The following UBE2E2 variants were observed in gnomAD, a reference collection of about 807,000 sequenced individuals.
The protein encoded by UBE2E2 is ubiquitin-conjugating enzyme E2 E2.
A neutral mutation model predicts 24.7 loss-of-function variants in UBE2E2; 6 were observed. The ratio of observed to expected loss-of-function variants is 0.24; its 90% CI spans 0.13 to 0.48. The LOEUF (loss-of-function observed/expected upper bound fraction) is 0.48. Among genes scored for constraint, UBE2E2 ranks in the 20% least tolerant of loss-of-function variants. The pLI is 0.99. For missense variants in UBE2E2, 169 were observed against 245.0 expected (o/e 0.69, Z 2.07); for synonymous variants, 104 against 83.6 (o/e 1.24, Z -1.33).
chr3:23,363,432 A>G (rs1182714225), intron 3 of UBE2E2, among the ~76,000 whole-genome samples: 4 of 152,230 alleles, frequency 2.6e-5, no homozygotes, highest in African/African-American at 4.8e-5. Context: ...CTCATAGGCT[A>G]TAAGTAAAGG....
intron 3 of UBE2E2, among the ~76,000 whole-genome samples, chr3:23,332,833 T>C (rs1177617841): frequency 6.6e-6 from 1 of 152,152 alleles, no homozygotes; most frequent in East Asian, 1.9e-4. Context: ...TGTGTGTCAC[T>C]AAGACTTGAA....
intron 3 of UBE2E2, among the ~76,000 whole-genome samples, chr3:23,410,922 G>A (rs764756253): frequency 2.0e-5 from 3 of 152,032 alleles, no homozygotes; most frequent in Non-Finnish European, 2.9e-5. Context: ...TTAAAGAAGC[G>A]ACAGACTTTC....
intron 3 of UBE2E2, among the ~76,000 whole-genome samples, chr3:23,305,980 T>C (rs1159013618): frequency 6.6e-6 from 1 of 152,196 alleles, no homozygotes; most frequent in African/African-American, 2.4e-5. Flanking sequence ...TCTAGGCCTT[T>C]ATTCTCAATT....
chr3:23,555,337 G>A (rs1469554130), intron 5 of UBE2E2, among the ~76,000 whole-genome samples: 4 of 152,102 alleles, frequency 2.6e-5, no homozygotes, highest in Non-Finnish European at 4.4e-5. Flanking sequence ...ATATCACCTC[G>A]CACCTATTAG....
intron 3 of UBE2E2, among the ~76,000 whole-genome samples, chr3:23,445,042 C>T (rs73138480): frequency 0.041 from 6,224 of 152,242 alleles, 455 homozygotes; most frequent in African/African-American, 0.14. Context: ...GCCAAGTGAT[C>T]GGTTTCCTTG....
At chr3:23,536,030 A>C (rs1238141943) in intron 5 of UBE2E2, among the ~76,000 whole-genome samples, 1 of 152,180 alleles carries the variant, frequency 6.6e-6, no homozygotes. Flanking sequence ...TGGGGAATCA[A>C]ATTTCTGTGC....
At chr3:23,437,840 G>A (rs1559383599) in intron 3 of UBE2E2, among the ~76,000 whole-genome samples, 1 of 152,156 alleles carries the variant, frequency 6.6e-6, no homozygotes, top group Non-Finnish European at 1.5e-5. Context: ...ATTGTGTGCC[G>A]CACACAGGAC....
chr3:23,405,888 A>G (rs1575609120), intron 3 of UBE2E2, among the ~76,000 whole-genome samples: 1 of 152,206 alleles, frequency 6.6e-6, no homozygotes, highest in Non-Finnish European at 1.5e-5. Context: ...TAGAAATTCC[A>G]TGCAGTGCTA....
chr3:23,482,328 A>AC (rs1386948884), intron 3 of UBE2E2, among the ~76,000 whole-genome samples: 3 of 152,192 alleles, frequency 2.0e-5, no homozygotes, highest in African/African-American at 7.2e-5. Context: ...TTATGAATAT[A>AC]CCAAAAGCCA....
At chr3:23,564,604 A>C (rs927348486) in intron 5 of UBE2E2, among the ~76,000 whole-genome samples, 4 of 152,126 alleles carry the variant, frequency 2.6e-5, no homozygotes, top group Admixed American at 2.6e-4. Flanking sequence ...AAATTCCTTG[A>C]ATTTCCAAAC....
intron 3 of UBE2E2, among the ~76,000 whole-genome samples, chr3:23,231,674 A>G (rs1173612476): frequency 6.6e-6 from 1 of 152,148 alleles, no homozygotes; most frequent in African/African-American, 2.4e-5. Context: ...CCTTCTTCCT[A>G]CCAGTCACAA....
intron 3 of UBE2E2, among the ~76,000 whole-genome samples, chr3:23,266,596 T>C (rs1411617768): frequency 1.3e-5 from 2 of 152,166 alleles, no homozygotes; most frequent in Admixed American, 1.3e-4. Context: ...ATTTCAACTT[T>C]GCTGAATCTG....
chr3:23,410,313 A>G (rs1181935314), intron 3 of UBE2E2, among the ~76,000 whole-genome samples: 11 of 152,178 alleles, frequency 7.2e-5, no homozygotes, highest in Non-Finnish European at 1.2e-4. Context: ...CATTTAAACA[A>G]CAGTTTTAAC....
chr3:23,405,323 G>T (rs906239292), intron 3 of UBE2E2, among the ~76,000 whole-genome samples: 1 of 152,154 alleles, frequency 6.6e-6, no homozygotes, highest in African/African-American at 2.4e-5. Flanking sequence ...ATGAAATGAG[G>T]TTATGTAAAA....
In UBE2E2 at chr3:23,203,470, C is replaced by G. The variant is rs1447290445; in HGVS notation, c.-9+6C>G. Reference sequence around the variant, plus strand: ...CACGGACACCCCCCCCTCAGGTATTCGCTCGGGCCGCGCCGGTGCCTCCCC... The same window carrying G: ...CACGGACACCCCCCCCTCAGGTATTGGCTCGGGCCGCGCCGGTGCCTCCCC... On this transcript the variant is annotated splice_donor_region_variant and intron_variant, in intron 1 of 5. Coordinates refer to ENST00000396703, the MANE Select transcript of UBE2E2 (RefSeq NM_152653.4). 2 of 948,902 alleles carry G rather than the reference C, an allele frequency of 2.1e-6. No individual in the cohort carries two copies. The highest frequency in any genetic ancestry group is 2.8e-4 in the East Asian group (2 of 7,100). The allele number at this position is 948,902 out of a possible 1,614,324, so 58.8% of individuals were successfully genotyped here.
At chr3:23,486,515 G>A (rs886597398) in intron 3 of UBE2E2, among the ~76,000 whole-genome samples, 1 of 152,192 alleles carries the variant, frequency 6.6e-6, no homozygotes, top group South Asian at 2.1e-4. Flanking sequence ...GCTAGTTTGT[G>A]CTGCAGCTCT....
chr3:23,528,522 C>G (rs555036295), intron 4 of UBE2E2, among the ~76,000 whole-genome samples: 212 of 152,248 alleles, frequency 1.4e-3, no homozygotes, highest in African/African-American at 4.9e-3. Context: ...GTTCCTGCCT[C>G]TTTCTTAAGT....
At chr3:23,353,659 C>T (rs1222696912) in intron 3 of UBE2E2, among the ~76,000 whole-genome samples, 2 of 152,068 alleles carry the variant, frequency 1.3e-5, no homozygotes, top group South Asian at 2.1e-4. Context: ...GAATAAAATA[C>T]CTAGGAATCC....
chr3:23,301,860 G>C (rs1699104456), intron 3 of UBE2E2, among the ~76,000 whole-genome samples: 1 of 140,556 alleles, frequency 7.1e-6, no homozygotes, highest in Admixed American at 6.7e-5. Flanking sequence ...GACACTGGGA[G>C]CTGTAGACGG....
Sources: gnomAD v4.1 joint callset for allele counts (sites outside exome capture counted in the v4.1 genomes callset) on GRCh38, gnomAD v4.1.1 for gene constraint, MANE v1.5 for transcripts, NCBI Gene and HGNC (gene_info 2026-07-23, HGNC 2026-07-21) for gene names.